Variants in VSTM2A observed in about 807,000 individuals in gnomAD.
The protein encoded by VSTM2A is V-set and transmembrane domain containing 2A, also known as V-set and transmembrane domain-containing protein 2A.
Under a neutral mutation model 27.3 loss-of-function variants are expected in VSTM2A, and 13 were observed. The observed-to-expected ratio is 0.48, with a 90% CI of 0.31 to 0.76. The LOEUF is 0.76. Ranked by LOEUF, VSTM2A falls within the 30% of genes least tolerant of loss-of-function variation. The pLI is 0.05. For missense variants in VSTM2A, 280 were observed against 310.0 expected, an observed-to-expected ratio of 0.90 and a Z score of 0.73; for synonymous variants, 142 against 125.7, an observed-to-expected ratio of 1.13 and a Z score of -0.87.
chr7:54,555,215 C>T (rs868446263), intron 4 of VSTM2A, among the ~76,000 whole-genome samples: 1 of 152,234 alleles, frequency 6.6e-6, no homozygotes, highest in Non-Finnish European at 1.5e-5. Context: ...AGGCCCTCTT[C>T]ACTTTCCTCA....
At chr7:54,550,203 C>G (rs1280095369) in intron 4 of VSTM2A, 33 bp downstream of exon 4, 1 of 1,563,622 alleles carries the variant, frequency 6.4e-7, no homozygotes, top group East Asian at 2.4e-5. Flanking sequence ...TTTTATTTTA[C>G]CACTCACAAA....
chr7:54,543,210 G>A (rs532151793), intron 1 of VSTM2A, among the ~76,000 whole-genome samples: 2 of 152,248 alleles, frequency 1.3e-5, no homozygotes, highest in Non-Finnish European at 2.9e-5. Context: ...GTCAGACTGG[G>A]CTTAGAGTTT....
Position 54,569,251 on chromosome 7 carries a change from G to A in VSTM2A, c.*32G>A, listed in dbSNP as rs936266632. Reference sequence around the variant, plus strand: ...ACACAAGGAGCGCCTGCTTCCGGAAGCATAAATGAAGAGGCTATCACATGC... The same window carrying A: ...ACACAAGGAGCGCCTGCTTCCGGAAACATAAATGAAGAGGCTATCACATGC... On this transcript the variant is annotated 3_prime_UTR_variant, in exon 5 of 5. Transcript: ENST00000402613. 5 of 1,551,272 alleles carry A rather than the reference G, an allele frequency of 3.2e-6. No individual in the cohort carries two copies. The East Asian group carries it at 7.3e-5, about 23-fold the overall frequency.
chr7:54,546,820 C>T, intron 2 of VSTM2A, 127 bp from the exon 3 acceptor site: 3 of 1,304,770 alleles, frequency 2.3e-6, no homozygotes, highest in East Asian at 2.7e-5. Context: ...TGGCCACGCC[C>T]CTGGTCGCTC....
intron 3 of VSTM2A, among the ~76,000 whole-genome samples, chr7:54,548,604 G>A (rs1788079434): frequency 1.3e-5 from 2 of 152,052 alleles, no homozygotes; most frequent in African/African-American, 4.8e-5. Flanking sequence ...ACTATAAAAT[G>A]GGATAATAAT....
At chr7:54,547,182 G>A (rs1255984281) in intron 3 of VSTM2A, 185 bp downstream of exon 3, 3 of 575,642 alleles carry the variant, frequency 5.2e-6, no homozygotes, top group Admixed American at 4.1e-5. Flanking sequence ...ACATATTTTA[G>A]TCACGTAAAT....
chr7:54,549,259 C>T (rs1036706747), intron 3 of VSTM2A, among the ~76,000 whole-genome samples: 6 of 152,080 alleles, frequency 3.9e-5, no homozygotes, highest in African/African-American at 1.4e-4. Context: ...CCAAGCCATG[C>T]CACCCTATGA....
At chr7:54,551,308 T>A (rs1320800017) in intron 4 of VSTM2A, 2 of 152,242 alleles carry the variant, frequency 1.3e-5, no homozygotes, top group Non-Finnish European at 2.9e-5. Context: ...TTTAAAATAC[T>A]GTATGCCAAA....
At position 54,547,009 on chromosome 7, in the gene VSTM2A, GC is replaced by G. The variant is rs2115788960; in HGVS notation, c.297+13del. On this transcript the variant is annotated intron_variant, in intron 3 of 4. Coordinates refer to ENST00000402613, the MANE Select transcript of VSTM2A (RefSeq NM_001301009.2). ...GGACCAAGATCAGCGTGAGTGCGGG[GC>G]GCGCCAAGGGCCGCGGGCCCAGGCT... 2 of 1,583,884 alleles carry G rather than the reference GC, an allele frequency of 1.3e-6. No homozygotes were observed. Among genetic ancestry groups the G allele is most frequent in the Non-Finnish European group, 1.7e-6 (2 of 1,167,866 alleles).
intron 3 of VSTM2A, among the ~76,000 whole-genome samples, chr7:54,548,847 A>C (rs1023594782): frequency 1.3e-5 from 2 of 151,976 alleles, no homozygotes; most frequent in African/African-American, 4.8e-5. Context: ...TGTAGTGGCC[A>C]TTAGCAGAAA....
At chr7:54,551,362 G>A (rs1488201908) in intron 4 of VSTM2A, 1 of 152,118 alleles carries the variant, frequency 6.6e-6, no homozygotes, top group East Asian at 1.9e-4. Flanking sequence ...GATGTGATTT[G>A]CAGATTTGTA....
chr7:54,546,395 C>G (rs886121349), intron 2 of VSTM2A, among the ~76,000 whole-genome samples: 5 of 151,926 alleles, frequency 3.3e-5, no homozygotes, highest in Non-Finnish European at 2.9e-5. Flanking sequence ...AGAGGCGGCG[C>G]CCCTGCGAGC....
At chr7:54,553,436 C>T (rs1352897787) in intron 4 of VSTM2A, among the ~76,000 whole-genome samples, 1 of 152,198 alleles carries the variant, frequency 6.6e-6, no homozygotes, top group Non-Finnish European at 1.5e-5. Context: ...CACCTTAGAT[C>T]ATATCAAACC....
At chr7:54,550,241 A>C (rs780807446) in intron 4 of VSTM2A, 71 bp downstream of exon 4, 3 of 1,542,444 alleles carry the variant, frequency 1.9e-6, no homozygotes, top group Admixed American at 4.1e-5. Flanking sequence ...AGTCGTATAG[A>C]GTAGACAGAT....
intron 2 of VSTM2A, 79 bp downstream of exon 2, chr7:54,544,867 G>A: frequency 6.8e-7 from 1 of 1,461,676 alleles, no homozygotes; most frequent in Non-Finnish European, 9.1e-7. Flanking sequence ...TGGGGGCCGA[G>A]GTGCTGCCTG....
At chr7:54,544,550 C>A in intron 1 of VSTM2A, 72 bp from the exon 2 acceptor site, 2 of 1,584,834 alleles carry the variant, frequency 1.3e-6, no homozygotes, top group Admixed American at 1.7e-5. Context: ...AAAAATGTAG[C>A]GAGCTCTCAA....
At chr7:54,567,619 C>T (rs189487373) in intron 4 of VSTM2A, among the ~76,000 whole-genome samples, 138 of 152,320 alleles carry the variant, frequency 9.1e-4, no homozygotes, top group Middle Eastern at 3.4e-3. Flanking sequence ...CAATATTTCA[C>T]AAAATACATT....
In VSTM2A at chr7:54,569,199, C is replaced by G; in HGVS notation, c.703C>G (p.Pro235Ala). ...AKLTLNSKHH[P>A]APTVL ...GTTGACCCTAAACTCCAAGCACCAC[C>G]CTGCACCCACTGTACTCTAATTCAC... is the stretch of plus-strand genomic sequence containing the variant. The change falls in exon 5 of 5, where the codon CCT becomes GCT. Residue 235 changes from proline (P) to alanine (A), a missense_variant. Transcript: ENST00000402613. The G allele has an allele frequency of 1.3e-6, 2 of 1,551,658 alleles. No individual in the cohort carries two copies. Among genetic ancestry groups the G allele is most frequent in the Non-Finnish European group, 8.7e-7 (1 of 1,146,958 alleles).
At chr7:54,554,516 GCA>G (rs1788290245) in intron 4 of VSTM2A, among the ~76,000 whole-genome samples, 1 of 152,192 alleles carries the variant, frequency 6.6e-6, no homozygotes, top group African/African-American at 2.4e-5. Flanking sequence ...AAGGATGTCT[GCA>G]CACTTGTCTC....
Sources: allele counts gnomAD v4.1 joint callset (sites outside exome capture counted in the v4.1 genomes callset), GRCh38; gene constraint gnomAD v4.1.1; transcripts MANE v1.5; gene names NCBI Gene and HGNC (gene_info 2026-07-23, HGNC 2026-07-21).